Variants in PADI6 observed in about 807,000 individuals in gnomAD.
The protein encoded by PADI6 is inactive protein-arginine deiminase type-6.
PADI6 carries 66 observed loss-of-function variants against 78.2 expected under a neutral mutation model. That is an observed-to-expected ratio of 0.84 (90% confidence interval 0.69 to 1.04). The LOEUF (loss-of-function observed/expected upper bound fraction) is 1.04, where lower values mean the gene tolerates loss of function less well. Among genes scored for constraint, PADI6 ranks in the 50% least tolerant of loss-of-function variants. The pLI is 0.00. For missense variants in PADI6, 854 were observed against 866.1 expected (o/e 0.99, Z 0.18); for synonymous variants, 397 against 346.9 (o/e 1.14, Z -1.60).
rs965810869 is a variant in PADI6 at position 17,374,715 on chromosome 1, C to G, written c.295-712C>G. 2.0e-5 allele frequency among the ~76,000 whole-genome samples: 3 copies of G among 152,156 alleles called. 1 individual carries two copies. The highest frequency in any genetic ancestry group is 4.1e-4 in the South Asian group (2 of 4,832). ...TGAGAACCATTCTCTGCCCAGGGCT[C>G]GGCCTCCAGGACCCTCAGGAGTGGC... On this transcript the variant is annotated intron_variant, in intron 2 of 15. Coordinates refer to ENST00000619609, the MANE Select transcript of PADI6 (RefSeq NM_207421.4).
At chr1:17,377,754 C>G (rs1033476130) in intron 3 of PADI6, among the ~76,000 whole-genome samples, 13 of 152,198 alleles carry the variant, frequency 8.5e-5, no homozygotes, top group African/African-American at 3.1e-4. Context: ...CTCGAGCCCC[C>G]ATCCTCTCAC....
chr1:17,390,387 G>A (rs1377599112), intron 8 of PADI6, among the ~76,000 whole-genome samples: 4 of 151,624 alleles, frequency 2.6e-5, no homozygotes, highest in Non-Finnish European at 5.9e-5. Context: ...ATCACCTGAG[G>A]TCAGGAGTTC....
intron 13 of PADI6, 42 bp from the exon 14 acceptor site, chr1:17,397,029 C>T (rs750682557): frequency 6.3e-7 from 1 of 1,595,412 alleles, no homozygotes; most frequent in Non-Finnish European, 8.6e-7. Flanking sequence ...GCAGTGCTGC[C>T]ATTCCCTGAC....
In PADI6 at chr1:17,375,470, G is replaced by T; in HGVS notation, c.338G>T (p.Gly113Val). The change falls in exon 3 of 16, where the codon GGC (glycine) becomes GTC (valine). Residue 113 changes from glycine to valine, a missense_variant. Gly to Val is a moderately radical substitution (Grantham distance 109). Transcript: ENST00000619609. ...GGGCCCAACGAGGATGCCCCCGTGG[G>T]CACAGCTGTGCTGTACCTCACTGGC... ...YYGPNEDAPV[G>V]TAVLYLTGIE... The T allele has an allele frequency of 6.2e-7, 1 of 1,610,010 alleles. No homozygotes were observed. The highest frequency in any genetic ancestry group is 8.5e-7 in the Non-Finnish European group (1 of 1,178,302).
In PADI6 at chr1:17,376,539, T is replaced by TTTTTTTGTATTTTTAGTGGGCTAA. The variant is rs1557596242; in HGVS notation, c.367+1046_367+1047insGTATTTTTAGTGGGCTAATTTTTT. Among the ~76,000 whole-genome samples, 48 of 150,734 alleles carry TTTTTTTGTATTTTTAGTGGGCTAA rather than the reference T, an allele frequency of 3.2e-4. 1 individual carries two copies. The highest frequency in any genetic ancestry group is 9.3e-4 in the African/African-American group (38 of 40,918). On this transcript the variant is annotated intron_variant, in intron 3 of 15. Transcript: ENST00000619609. ...AATTTTTTTTATTTTTAGTGGGCTA[T>TTTTTTTGTATTTTTAGTGGGCTAA]TTTTTTTGTATTTTTAGTGGGCTAA...
At chr1:17,395,801 C>T (rs564655283) in intron 13 of PADI6, 138 bp downstream of exon 13, 18 of 1,191,174 alleles carry the variant, frequency 1.5e-5, no homozygotes, top group Middle Eastern at 2.7e-4. Context: ...CATATTAGAA[C>T]GTCTTATTTC....
chr1:17,392,100 C>T lies in PADI6; in HGVS notation c.963-14C>T, dbSNP rs1462842601. On this transcript the variant is annotated splice_polypyrimidine_tract_variant and intron_variant, in intron 8 of 15. Transcript: ENST00000619609. ...TCGAAAGCCTTCCCAGAACTGGCTT[C>T]TCTCCCATGGCAGGGAGCTGCAGCT... 6 of 1,552,030 alleles carry T rather than the reference C, an allele frequency of 3.9e-6. No individual in the cohort carries two copies. In the East Asian group the frequency reaches 7.3e-5, roughly 19 times the overall value.
At position 17,383,070 on chromosome 1, in the gene PADI6, A is replaced by G. The variant is rs550757698; in HGVS notation, c.679+978A>G. Among the ~76,000 whole-genome samples, 10 of 152,340 alleles carry G rather than the reference A, an allele frequency of 6.6e-5. No individual in the cohort carries two copies. In the East Asian group the frequency reaches 1.5e-3, roughly 23 times the overall value. On this transcript the variant is annotated intron_variant, in intron 6 of 15. Transcript: ENST00000619609. ...AGTGCTGGGATTACAGGTGTGAGCT[A>G]CTGCACCCGGCCCAACCTGCCACCT...
rs1405687214 is a variant in PADI6 at position 17,395,061 on chromosome 1, A to G, written c.1448A>G (p.Glu483Gly). The G allele has an allele frequency of 6.2e-7, 1 of 1,614,014 alleles. No individual in the cohort carries two copies. The highest frequency in any genetic ancestry group is 1.7e-5 in the Admixed American group (1 of 60,012). Residue 483 changes from glutamate (E) to glycine (G), a missense_variant, in exon 12 of 16, where the codon GAG becomes GGG. Physicochemically the swap from Glu to Gly is moderately conservative, Grantham distance 98. Coordinates refer to ENST00000619609, the MANE Select transcript of PADI6 (RefSeq NM_207421.4). ...SDWLMTGHVDEFMCFIPTDDK... is the reference protein window; with the variant it reads ...SDWLMTGHVDGFMCFIPTDDK... ...TGGCTAATGACTGGCCACGTGGATG[A>G]GTTCATGTGCTTCATCCCCACAGAT...
chr1:17,397,224 G>GCA (rs2075255921), intron 14 of PADI6, 83 bp downstream of exon 14: 7 of 1,489,938 alleles, frequency 4.7e-6, no homozygotes, highest in Non-Finnish European at 5.6e-6. Flanking sequence ...CACCCCTCCT[G>GCA]AGGGGTGAAG....
In PADI6 at chr1:17,401,275, G is replaced by A; in HGVS notation, c.1922G>A (p.Cys641Tyr). Reference protein sequence around the residue: ...KPFGPQIKGTCCLEEKICCLL... With the variant: ...KPFGPQIKGTYCLEEKICCLL... ...TTTGGGCCCCAAATCAAGGGGACCT[G>A]CTGCCTGGAAGAAAAGATTTGCTGC... The change falls in exon 16 of 16, where the codon TGC becomes TAC. Residue 641 changes from cysteine (C) to tyrosine (Y), a missense_variant. Coordinates refer to ENST00000619609, the MANE Select transcript of PADI6 (RefSeq NM_207421.4). 2 of 1,614,074 alleles carry A rather than the reference G, an allele frequency of 1.2e-6. No individual in the cohort carries two copies. Among genetic ancestry groups the A allele is most frequent in the Non-Finnish European group, 1.7e-6 (2 of 1,179,906 alleles).
chr1:17,394,690 C>T (rs888645646), intron 11 of PADI6, among the ~76,000 whole-genome samples: 1 of 152,016 alleles, frequency 6.6e-6, no homozygotes, highest in Non-Finnish European at 1.5e-5. Context: ...GATGTCATTT[C>T]CAAGAGATAT....
At chr1:17,394,897 G>T in intron 11 of PADI6, 54 bp from the exon 12 acceptor site, 1 of 1,495,600 alleles carries the variant, frequency 6.7e-7, no homozygotes, top group Non-Finnish European at 8.9e-7. Flanking sequence ...AGTGGCGGGT[G>T]ACCAGCCCTG....
chr1:17,398,662 C>CCCCCCCCCCCCCT, intron 14 of PADI6, 24 bp from the exon 15 acceptor site: 1 of 118,654 alleles, frequency 8.4e-6, no homozygotes, highest in South Asian at 8.3e-5. Flanking sequence ...CCGCCCCCCC[C>CCCCCCCCCCCCCT]CCCACCCACC....
rs1316639065 is a variant in PADI6 at position 17,375,504 on chromosome 1, G to C, written c.367+5G>C. 6.2e-7 allele frequency: 1 copy of C among 1,601,568 alleles called. No homozygotes were observed. On this transcript the variant is annotated splice_donor_5th_base_variant and intron_variant, in intron 3 of 15. Coordinates refer to ENST00000619609, the MANE Select transcript of PADI6 (RefSeq NM_207421.4). ...TGCTGTACCTCACTGGCATTGGTGA[G>C]TGTTGCTCCAACTGGGAGCCTGGGG...
chr1:17,398,956 C>A, intron 15 of PADI6, 109 bp downstream of exon 15: 1 of 1,248,206 alleles, frequency 8.0e-7, no homozygotes, highest in East Asian at 2.4e-5. Flanking sequence ...ATAACGGTAC[C>A]TATGAGGAAA....
chr1:17,388,240 T>C, intron 6 of PADI6, 141 bp from the exon 7 acceptor site: 1 of 720,920 alleles, frequency 1.4e-6, no homozygotes, highest in Non-Finnish European at 2.2e-6. Context: ...GAAACGGGGA[T>C]GGCTGAGCCA....
Position 17,388,868 on chromosome 1 carries a change from T to C in PADI6, c.950T>C (p.Val317Ala), listed in dbSNP as rs1419265889. 4.8e-5 allele frequency: 78 copies of C among 1,613,104 alleles called. No homozygotes were observed. Among genetic ancestry groups the C allele is most frequent in the East Asian group, 1.3e-4 (6 of 44,884 alleles). Residue 317 changes from valine (V) to alanine (A), a missense_variant, in exon 8 of 16, where the codon GTT (valine) becomes GCT (alanine). Physicochemically the swap from Val to Ala is moderately conservative, Grantham distance 64. Coordinates refer to ENST00000619609, the MANE Select transcript of PADI6 (RefSeq NM_207421.4). ...FIPCTQVPLE[V>A]YLCRELQLQG... ...CCCTGTACCCAGGTGCCTCTGGAGG[T>C]TTACCTGTGCAGGTGAGAGACCATC...
In PADI6 at chr1:17,397,228, G is replaced by T. The variant is rs947992882; in HGVS notation, c.1689+87G>T. The T allele has an allele frequency of 3.8e-5, 57 of 1,481,330 alleles. No homozygotes were observed. The Middle Eastern group carries it at 1.1e-3, about 28-fold the overall frequency. 91.8% of individuals were successfully genotyped at this position (1,481,330 alleles called of 1,614,324 possible). On this transcript the variant is annotated intron_variant, in intron 14 of 15. Transcript: ENST00000619609. ...AGGTTTCCACCCACCCCTCCTGAGGGGTGAAGTGTTGGGCGGCGGGGGGCA... is the reference window on the plus strand; with the variant it reads ...AGGTTTCCACCCACCCCTCCTGAGGTGTGAAGTGTTGGGCGGCGGGGGGCA...
Sources: gnomAD v4.1 joint callset for allele counts (sites outside exome capture counted in the v4.1 genomes callset) on GRCh38, gnomAD v4.1.1 for gene constraint, MANE v1.5 for transcripts, NCBI Gene and HGNC (gene_info 2026-07-23, HGNC 2026-07-21) for gene names.